The following GLRA3 variants were observed in gnomAD, a reference collection of about 807,000 sequenced individuals.
GLRA3 encodes the protein glycine receptor subunit alpha-3.
Under a neutral mutation model 60.4 loss-of-function variants are expected in GLRA3, and 44 were observed. That is an observed-to-expected ratio of 0.73 (90% CI 0.57 to 0.94). The LOEUF (loss-of-function observed/expected upper bound fraction) is 0.94. Among genes scored for constraint, GLRA3 ranks in the 40% least tolerant of loss-of-function variants. The pLI is 0.00. For missense variants in GLRA3, 508 were observed against 564.6 expected (o/e 0.90, Z 1.02); for synonymous variants, 223 against 192.9 (o/e 1.16, Z -1.29).
chr4:174,699,410 GT>G (rs1480534447), intron 5 of GLRA3, among the ~76,000 whole-genome samples: 1 of 152,146 alleles, frequency 6.6e-6, no homozygotes, highest in Non-Finnish European at 1.5e-5. Context: ...ACAATATCAA[GT>G]ATACCTACAA....
chr4:174,764,379 T>C (rs1210114809), intron 3 of GLRA3, among the ~76,000 whole-genome samples: 2 of 152,094 alleles, frequency 1.3e-5, no homozygotes, highest in Non-Finnish European at 2.9e-5. Flanking sequence ...CAGACACATA[T>C]GGAAGAGGAT....
chr4:174,667,440 A>G (rs963976640), intron 7 of GLRA3, among the ~76,000 whole-genome samples: 5 of 152,066 alleles, frequency 3.3e-5, no homozygotes, highest in Admixed American at 6.6e-5. Flanking sequence ...AAAGAGAAAA[A>G]CTCACTGCTT....
chr4:174,705,042 G>A lies in GLRA3; in HGVS notation c.574+10446C>T, dbSNP rs976000343. On this transcript the variant is annotated intron_variant, in intron 5 of 9. Transcript: ENST00000274093. The stretch of plus-strand genomic sequence containing the variant: ...CATTGTGAAGATACCAAATACTACT[G>A]AACCGAATGCTTGAAAATGGTTAAG... Among the ~76,000 whole-genome samples the A allele has an allele frequency of 2.1e-5, 3 of 143,938 alleles. 1 individual carries two copies. Among genetic ancestry groups the A allele is most frequent in the Non-Finnish European group, 3.1e-5 (2 of 64,766 alleles). The allele number at this position is 143,938 out of a possible 152,430, so 94.4% of individuals were successfully genotyped here. A position where few individuals can be genotyped will look rare whatever the true frequency, so the allele number is the denominator to read the frequency against.
At position 174,706,175 on chromosome 4, in the gene GLRA3, A is replaced by G. The variant is rs1181599500; in HGVS notation, c.574+9313T>C. Among the ~76,000 whole-genome samples, 4 of 151,830 alleles carry G rather than the reference A, an allele frequency of 2.6e-5. No homozygotes were observed. The East Asian group carries it at 7.8e-4, about 30-fold the overall frequency. ...AACCCGGGAGGCAGAGCTTGCAGTG[A>G]GCCGAGTTCACGCCACTGCACTCCA... On this transcript the variant is annotated intron_variant, in intron 5 of 9. Coordinates refer to ENST00000274093, the MANE Select transcript of GLRA3 (RefSeq NM_006529.4).
intron 8 of GLRA3, 100 bp from the exon 9 acceptor site, chr4:174,656,887 C>G (rs528773974): frequency 8.5e-6 from 6 of 703,722 alleles, no homozygotes; most frequent in Non-Finnish European, 1.6e-5. Context: ...TTGTATATAC[C>G]ATTTGAACAG....
At position 174,658,688 on chromosome 4, in the gene GLRA3, A is replaced by G. The variant is rs191083876; in HGVS notation, c.1071+366T>C. 3.0e-4 allele frequency among the ~76,000 whole-genome samples: 45 copies of G among 152,348 alleles called. 1 individual carries two copies. Among genetic ancestry groups the G allele is most frequent in the African/African-American group, 1.0e-3 (43 of 41,590 alleles). ...AATGAATTAGCTCTGACAAAGGAAC[A>G]TGAATAATTACATTTGATGACTTAT... On this transcript the variant is annotated intron_variant, in intron 8 of 9. Coordinates refer to ENST00000274093, the MANE Select transcript of GLRA3 (RefSeq NM_006529.4).
intron 2 of GLRA3, among the ~76,000 whole-genome samples, chr4:174,776,038 A>T (rs1738584342): frequency 6.6e-6 from 1 of 152,136 alleles, no homozygotes; most frequent in Admixed American, 6.5e-5. Flanking sequence ...GACCCCAGGG[A>T]TAGGGCCTGG....
At chr4:174,743,312 G>A (rs913925146) in intron 3 of GLRA3, among the ~76,000 whole-genome samples, 4 of 151,772 alleles carry the variant, frequency 2.6e-5, no homozygotes, top group East Asian at 1.9e-4. Flanking sequence ...TTTTTTTCTC[G>A]TGTAGGATCT....
At chr4:174,823,794 GGTC>G (rs1740846284) in intron 1 of GLRA3, among the ~76,000 whole-genome samples, 2 of 152,072 alleles carry the variant, frequency 1.3e-5, no homozygotes, top group Non-Finnish European at 2.9e-5. Context: ...CTAATGTTAA[GGTC>G]CTCTTGATAA....
chr4:174,703,415 CTG>C (rs1735399226), intron 5 of GLRA3, among the ~76,000 whole-genome samples: 2 of 152,136 alleles, frequency 1.3e-5, no homozygotes, highest in South Asian at 4.1e-4. Context: ...GAATCACACT[CTG>C]TGTACCTTTT....
At chr4:174,765,405 T>TC (rs1166501230) in intron 3 of GLRA3, among the ~76,000 whole-genome samples, 2 of 152,080 alleles carry the variant, frequency 1.3e-5, no homozygotes, top group African/African-American at 4.8e-5. Flanking sequence ...TTTAAATCTT[T>TC]CCAGCTATTG....
chr4:174,822,463 CAG>C (rs1343937643), intron 1 of GLRA3, among the ~76,000 whole-genome samples: 1 of 152,078 alleles, frequency 6.6e-6, no homozygotes, highest in Non-Finnish European at 1.5e-5. Context: ...TAGGAGAAAA[CAG>C]AGGACATTTT....
intron 2 of GLRA3, among the ~76,000 whole-genome samples, chr4:174,785,870 AG>A (rs1739108225): frequency 6.6e-6 from 1 of 151,860 alleles, no homozygotes; most frequent in Admixed American, 6.6e-5. Context: ...ACTGGGCTCA[AG>A]TAATCCTCCT....
intron 3 of GLRA3, among the ~76,000 whole-genome samples, chr4:174,766,744 A>G (rs2111236884): frequency 6.6e-6 from 1 of 152,210 alleles, no homozygotes; most frequent in South Asian, 2.1e-4. Context: ...TGTTGAATGG[A>G]GAAAATCAAT....
At chr4:174,803,461 T>C (rs746869129) in intron 1 of GLRA3, among the ~76,000 whole-genome samples, 13 of 152,166 alleles carry the variant, frequency 8.5e-5, no homozygotes, top group Non-Finnish European at 1.5e-5. Flanking sequence ...AAATGTAAGG[T>C]ACCATGATAC....
At chr4:174,791,266 C>T (rs531490193) in intron 1 of GLRA3, among the ~76,000 whole-genome samples, 4 of 152,198 alleles carry the variant, frequency 2.6e-5, no homozygotes, top group South Asian at 2.1e-4. Context: ...TGGGGTGACG[C>T]GGCCACAGCA....
At chr4:174,667,315 C>T (rs565223958) in intron 7 of GLRA3, among the ~76,000 whole-genome samples, 140 of 152,102 alleles carry the variant, frequency 9.2e-4, no homozygotes, top group African/African-American at 3.0e-3. Flanking sequence ...GTCAGGAGGG[C>T]GATTTCTATT....
At chr4:174,751,611 C>T (rs1186089181) in intron 3 of GLRA3, among the ~76,000 whole-genome samples, 1 of 152,238 alleles carries the variant, frequency 6.6e-6, no homozygotes. Flanking sequence ...ATCCCTTCCT[C>T]GTCAGAATAC....
In GLRA3 at chr4:174,766,007, T is replaced by C. The variant is rs1738126897; in HGVS notation, c.267+956A>G. On this transcript the variant is annotated intron_variant, in intron 3 of 9. Coordinates refer to ENST00000274093, the MANE Select transcript of GLRA3 (RefSeq NM_006529.4). ...TGTTGAGATAGATTCCAACACACAC[T>C]CACACACACCTCTACACACACTTAC... Among the ~76,000 whole-genome samples, 3 of 150,858 alleles carry C rather than the reference T, an allele frequency of 2.0e-5. 1 individual carries two copies. The South Asian group carries it at 6.3e-4, about 32-fold the overall frequency.
Sources: gnomAD v4.1 joint callset for allele counts (sites outside exome capture counted in the v4.1 genomes callset) on GRCh38, gnomAD v4.1.1 for gene constraint, MANE v1.5 for transcripts, NCBI Gene and HGNC (gene_info 2026-07-23, HGNC 2026-07-21) for gene names.